SEMA3C: variants seen among roughly 807,000 people sequenced by gnomAD.
SEMA3C encodes the protein semaphorin-3C.
A neutral mutation model predicts 89.4 loss-of-function variants in SEMA3C; 47 were observed. The ratio of observed to expected loss-of-function variants is 0.53; its 90% CI spans 0.42 to 0.67. The LOEUF (loss-of-function observed/expected upper bound fraction) is 0.67. Among genes scored for constraint, SEMA3C ranks in the 30% least tolerant of loss-of-function variants. The pLI, the probability that SEMA3C is intolerant of heterozygous loss-of-function variation, is 0.00. For synonymous variants in SEMA3C, 310 were observed against 320.2 expected (o/e 0.97, Z 0.34); for missense variants, 839 against 929.1 (o/e 0.90, Z 1.26).
chr7:80,907,390 T>C (rs1045274587), intron 2 of SEMA3C, among the ~76,000 whole-genome samples: 1 of 152,046 alleles, frequency 6.6e-6, no homozygotes, highest in Non-Finnish European at 1.5e-5. Context: ...CAAAATGCTC[T>C]TTTGGTGATG....
chr7:80,793,507 T>C (rs1393231218), intron 11 of SEMA3C: 6 of 448,922 alleles, frequency 1.3e-5, no homozygotes, highest in Admixed American at 7.3e-5. Flanking sequence ...GTAAGAAAGA[T>C]AGACATATTC....
chr7:80,833,749 C>A (rs1020312914), intron 2 of SEMA3C, among the ~76,000 whole-genome samples: 1 of 151,392 alleles, frequency 6.6e-6, no homozygotes, highest in South Asian at 2.1e-4. Context: ...TTGAACTATA[C>A]GACTTGGGGA....
At chr7:80,858,670 A>T (rs1790699463) in intron 2 of SEMA3C, among the ~76,000 whole-genome samples, 2 of 152,220 alleles carry the variant, frequency 1.3e-5, no homozygotes, top group Non-Finnish European at 2.9e-5. Flanking sequence ...GGCTATTTTT[A>T]AAATACCTAA....
At chr7:80,920,761 A>C (rs921320770), upstream of SEMA3C, among the ~76,000 whole-genome samples, 4 of 152,356 alleles carry the variant, frequency 2.6e-5, no homozygotes, top group South Asian at 4.1e-4. Context: ...TTAACCCCCC[A>C]AAAACTGACA....
At chr7:80,919,078 G>T (rs1488592413), upstream of SEMA3C, 1 of 985,286 alleles carries the variant, frequency 1.0e-6, no homozygotes, top group Non-Finnish European at 1.2e-6. Context: ...GAGGCCGGGG[G>T]CGAGCGCTCT....
intron 12 of SEMA3C, among the ~76,000 whole-genome samples, chr7:80,787,248 T>A (rs1418457226): frequency 1.3e-5 from 2 of 151,788 alleles, no homozygotes; most frequent in Non-Finnish European, 2.9e-5. Flanking sequence ...AAAAATTAGC[T>A]GGGCATGGTG....
intron 2 of SEMA3C, among the ~76,000 whole-genome samples, chr7:80,877,871 A>G (rs1360116796): frequency 6.6e-6 from 1 of 152,188 alleles, no homozygotes; most frequent in South Asian, 2.1e-4. Context: ...AAGCAATATG[A>G]CTGAAGAAGG....
At chr7:80,905,911 T>C (rs1350201266) in intron 2 of SEMA3C, 12 of 1,289,054 alleles carry the variant, frequency 9.3e-6, no homozygotes, top group Admixed American at 4.6e-5. Flanking sequence ...TTGTACAAGG[T>C]AGGCTCTGGA....
rs869227686 is a variant in SEMA3C at position 80,750,473 on chromosome 7, T to TATATACACAC, written c.1711+795_1711+796insGTGTGTATAT. ...ATATATATATATATATATATATATA[T>TATATACACAC]ACACACACACACACACACACACACA... On this transcript the variant is annotated intron_variant, in intron 16 of 17. Transcript: ENST00000265361. Among the ~76,000 whole-genome samples the TATATACACAC allele has an allele frequency of 4.3e-3, 238 of 55,270 alleles. 2 individuals are homozygous for TATATACACAC. The highest frequency in any genetic ancestry group is 5.1e-3 in the Non-Finnish European group (145 of 28,320). The allele number at this position is 55,270 out of a possible 152,430, so 36.3% of individuals were successfully genotyped here.
At chr7:80,843,255 C>A (rs563603987) in intron 2 of SEMA3C, among the ~76,000 whole-genome samples, 1 of 152,090 alleles carries the variant, frequency 6.6e-6, no homozygotes. Flanking sequence ...AATGGATATT[C>A]CAAATAACCT....
chr7:80,750,807 A>C (rs989098963), intron 16 of SEMA3C, among the ~76,000 whole-genome samples: 3 of 151,918 alleles, frequency 2.0e-5, no homozygotes, highest in South Asian at 2.1e-4. Context: ...AAATATCCAG[A>C]CGTGACTGGC....
intron 5 of SEMA3C, among the ~76,000 whole-genome samples, chr7:80,812,972 T>A (rs1256742638): frequency 2.7e-5 from 4 of 148,630 alleles, no homozygotes; most frequent in African/African-American, 7.4e-5. Context: ...TTTTTTTTTT[T>A]TTTTTTTTTT....
intron 2 of SEMA3C, among the ~76,000 whole-genome samples, chr7:80,877,268 C>T (rs757178549): frequency 3.3e-5 from 5 of 152,182 alleles, no homozygotes; most frequent in Non-Finnish European, 7.3e-5. Context: ...AATCACACTA[C>T]ACACTTTTTC....
intron 1 of SEMA3C, among the ~76,000 whole-genome samples, chr7:80,917,967 T>C (rs1490019583): frequency 6.6e-6 from 1 of 152,214 alleles, no homozygotes; most frequent in Non-Finnish European, 1.5e-5. Context: ...GTAAGTAGAT[T>C]TCCTAGGTGG....
At chr7:80,754,832 C>T (rs898396089) in intron 15 of SEMA3C, among the ~76,000 whole-genome samples, 2 of 151,966 alleles carry the variant, frequency 1.3e-5, no homozygotes, top group African/African-American at 4.8e-5. Context: ...GGCTAGAGTG[C>T]AATGGCGCGA....
intron 15 of SEMA3C, among the ~76,000 whole-genome samples, 178 bp from the exon 16 acceptor site, chr7:80,751,514 T>C (rs929617905): frequency 1.2e-4 from 17 of 145,996 alleles, no homozygotes; most frequent in African/African-American, 4.3e-4. Context: ...TTATCAATAA[T>C]GAGGGGGGGT....
intron 5 of SEMA3C, among the ~76,000 whole-genome samples, chr7:80,817,777 A>C (rs1475241106): frequency 6.6e-6 from 1 of 152,176 alleles, no homozygotes; most frequent in African/African-American, 2.4e-5. Context: ...AGTTCTTTTC[A>C]GCAGACACTT....
intron 17 of SEMA3C, among the ~76,000 whole-genome samples, chr7:80,746,123 G>A (rs1787794359): frequency 6.6e-6 from 1 of 151,976 alleles, no homozygotes; most frequent in Admixed American, 6.6e-5. Flanking sequence ...GTATACTCTA[G>A]AATACTCTTT....
intron 9 of SEMA3C, among the ~76,000 whole-genome samples, chr7:80,802,368 A>C (rs1789229361): frequency 6.6e-6 from 1 of 152,156 alleles, no homozygotes; most frequent in South Asian, 2.1e-4. Flanking sequence ...ATTTATAAAA[A>C]CACAAACATA....
Sources: allele counts gnomAD v4.1 joint callset (sites outside exome capture counted in the v4.1 genomes callset), GRCh38; gene constraint gnomAD v4.1.1; transcripts MANE v1.5; gene names NCBI Gene and HGNC (gene_info 2026-07-23, HGNC 2026-07-21).